The following CTNNA2 variants were observed in gnomAD, a reference collection of about 807,000 sequenced individuals.
The protein encoded by CTNNA2 is catenin alpha 2.
A neutral mutation model predicts 101.0 loss-of-function variants in CTNNA2; 42 were observed. The ratio of observed to expected loss-of-function variants is 0.42; its 90% CI spans 0.32 to 0.54. CTNNA2 has a LOEUF of 0.54. CTNNA2 is among the 20% of genes least tolerant of loss of function. CTNNA2 has a pLI of 0.14. For missense variants in CTNNA2, 871 were observed against 1,223.1 expected (o/e 0.71, Z 4.29); for synonymous variants, 450 against 456.4 (o/e 0.99, Z 0.18).
intron 9 of CTNNA2, among the ~76,000 whole-genome samples, chr2:80,421,802 CAA>C (rs754594979): frequency 1.5e-4 from 10 of 67,004 alleles, no homozygotes; most frequent in Non-Finnish European, 1.3e-4. Flanking sequence ...TGCATATATA[CAA>C]AAAAAAAAAA....
chr2:79,979,071 A>G (rs1012745509), intron 7 of CTNNA2, among the ~76,000 whole-genome samples: 3 of 152,006 alleles, frequency 2.0e-5, no homozygotes, highest in African/African-American at 7.3e-5. Context: ...AGGGAATCAC[A>G]CTCTTGGATG....
At chr2:80,317,356 C>A (rs553902243) in intron 7 of CTNNA2, among the ~76,000 whole-genome samples, 1 of 152,112 alleles carries the variant, frequency 6.6e-6, no homozygotes, top group Non-Finnish European at 1.5e-5. Flanking sequence ...ATTTATTCAT[C>A]AAAATTCTGT....
At chr2:80,252,705 A>G (rs1297116488) in intron 7 of CTNNA2, among the ~76,000 whole-genome samples, 1 of 152,186 alleles carries the variant, frequency 6.6e-6, no homozygotes, top group Admixed American at 6.6e-5. Context: ...AATATGTCCT[A>G]GGTGCTTTTT....
chr2:79,577,428 G>T (rs1179025486), intron 1 of CTNNA2, among the ~76,000 whole-genome samples: 1 of 151,756 alleles, frequency 6.6e-6, no homozygotes, highest in African/African-American at 2.4e-5. Context: ...TGTTATTTTG[G>T]GTCACTTTAC....
chr2:80,259,750 G>A (rs1672452643), intron 7 of CTNNA2, among the ~76,000 whole-genome samples: 1 of 152,204 alleles, frequency 6.6e-6, no homozygotes, highest in African/African-American at 2.4e-5. Flanking sequence ...CTATGATGTA[G>A]AAGATATAGG....
intron 7 of CTNNA2, among the ~76,000 whole-genome samples, chr2:80,213,567 T>C (rs1385932382): frequency 1.3e-5 from 2 of 152,242 alleles, no homozygotes; most frequent in Non-Finnish European, 2.9e-5. Flanking sequence ...GATTGCACTG[T>C]GGTCTGAGAG....
At chr2:80,389,476 T>A (rs1236914539) in intron 7 of CTNNA2, among the ~76,000 whole-genome samples, 1 of 152,080 alleles carries the variant, frequency 6.6e-6, no homozygotes, top group African/African-American at 2.4e-5. Context: ...TTTCTCCCTC[T>A]CCGTCTGTGT....
chr2:79,242,160 C>A (rs1168318287), intron 2 of CTNNA2, among the ~76,000 whole-genome samples: 1 of 152,120 alleles, frequency 6.6e-6, no homozygotes, highest in Non-Finnish European at 1.5e-5. Context: ...CCCGCCTCGG[C>A]CTCCCAAAGT....
chr2:79,553,439 T>G lies in CTNNA2; in HGVS notation c.-6+40232T>G, dbSNP rs1202575237. ...TTATAGCAGTGCCCCACTCCTGGTA[T>G]GAATTTTCTGTGTTGGTCTGTTTTT... On this transcript the variant is annotated intron_variant, in intron 1 of 18. Coordinates refer to ENST00000402739, the MANE Select transcript of CTNNA2 (RefSeq NM_001282597.3). 3.9e-5 allele frequency among the ~76,000 whole-genome samples: 6 copies of G among 152,330 alleles called. No individual in the cohort carries two copies. The East Asian group carries it at 1.2e-3, about 29-fold the overall frequency.
intron 3 of CTNNA2, among the ~76,000 whole-genome samples, chr2:79,328,432 C>T (rs781397533): frequency 1.4e-4 from 21 of 152,166 alleles, no homozygotes; most frequent in Admixed American, 1.2e-3. Context: ...TCAAAACTGG[C>T]TCCTTGTCTG....
At chr2:80,037,275 T>C (rs1486631034) in intron 7 of CTNNA2, among the ~76,000 whole-genome samples, 1 of 152,196 alleles carries the variant, frequency 6.6e-6, no homozygotes, top group Non-Finnish European at 1.5e-5. Context: ...ATCATGGCCT[T>C]ATTTTTAACA....
intron 7 of CTNNA2, among the ~76,000 whole-genome samples, chr2:80,055,796 A>G (rs762853015): frequency 7.2e-5 from 11 of 152,134 alleles, no homozygotes; most frequent in South Asian, 2.1e-4. Flanking sequence ...TTGAGATCAT[A>G]TAAGTGTTCT....
chr2:79,919,792 C>G (rs571565581), intron 7 of CTNNA2, among the ~76,000 whole-genome samples: 1 of 152,314 alleles, frequency 6.6e-6, no homozygotes, highest in Admixed American at 6.5e-5. Flanking sequence ...GGGGCCCCTC[C>G]TTGCTCAGGT....
At chr2:79,238,162 C>T (rs908948440) in intron 2 of CTNNA2, among the ~76,000 whole-genome samples, 5 of 152,080 alleles carry the variant, frequency 3.3e-5, no homozygotes, top group African/African-American at 1.2e-4. Context: ...TTATAGGTCA[C>T]TGTAGGGCTA....
rs185112932 is a variant in CTNNA2 at position 79,720,275 on chromosome 2, G to A, written c.103-24112G>A. ...ATGTGTCTGTTTTTGTACCAGTACC[G>A]TGCTGGTTTGGTTACTATAGCCTTA... On this transcript the variant is annotated intron_variant, in intron 2 of 18. Transcript: ENST00000402739. 3.7e-3 allele frequency among the ~76,000 whole-genome samples: 566 copies of A among 152,096 alleles called. 3 individuals are homozygous for A. The highest frequency in any genetic ancestry group is 7.7e-3 in the South Asian group (37 of 4,816).
In CTNNA2 at chr2:80,619,223, T is replaced by C; in HGVS notation, c.2569T>C (p.Ser857Pro). 2 of 1,562,744 alleles carry C rather than the reference T, an allele frequency of 1.3e-6. No individual in the cohort carries two copies. Among genetic ancestry groups the C allele is most frequent in the South Asian group, 1.2e-5 (1 of 82,680 alleles). The change falls in exon 18 of 19, where the codon TCC becomes CCC. Residue 857 changes from serine (S) to proline (P), a missense_variant. This residue lies in a region of CTNNA2 where 65 missense variants were observed against 53.3 expected (regional missense o/e 1.22). Transcript: ENST00000402739. Reference sequence around the variant, plus strand: ...GATCGGGAGTGGAAGCAGTGATTCCTCCATGGTGAGTAAATTGACTTTCTA... The same window carrying C: ...GATCGGGAGTGGAAGCAGTGATTCCCCCATGGTGAGTAAATTGACTTTCTA... ...APIGSGSSDS[S>P]MLDSATSLIQ...
chr2:79,581,546 A>C (rs1003145386), intron 1 of CTNNA2, among the ~76,000 whole-genome samples: 7 of 152,052 alleles, frequency 4.6e-5, no homozygotes. Context: ...AAAAGGTAAC[A>C]TACTAGTTTC....
chr2:80,233,430 G>A (rs1369691843), intron 7 of CTNNA2, among the ~76,000 whole-genome samples: 1 of 152,098 alleles, frequency 6.6e-6, no homozygotes, highest in Non-Finnish European at 1.5e-5. Context: ...TACATGCAAA[G>A]CTTCTAAACC....
intron 4 of CTNNA2, among the ~76,000 whole-genome samples, chr2:79,411,023 T>C (rs893972677): frequency 2.0e-5 from 3 of 152,206 alleles, no homozygotes; most frequent in African/African-American, 7.2e-5. Context: ...CCTGGTTTTG[T>C]CTTGGGAGAG....
Sources: allele counts gnomAD v4.1 joint callset (sites outside exome capture counted in the v4.1 genomes callset), GRCh38; gene constraint gnomAD v4.1.1; regional missense constraint gnomAD v4.1.1; transcripts MANE v1.5; gene names NCBI Gene and HGNC (gene_info 2026-07-23, HGNC 2026-07-21).